MID1: variants seen among roughly 807,000 people sequenced by gnomAD.
The protein encoded by MID1 is midline 1, also known as E3 ubiquitin-protein ligase Midline-1.
A neutral mutation model predicts 40.4 loss-of-function variants in MID1; 7 were observed. The ratio of observed to expected loss-of-function variants is 0.17; its 90% CI spans 0.10 to 0.33. MID1 has a LOEUF of 0.33. Among genes scored for constraint, MID1 ranks in the 10% least tolerant of loss-of-function variants. The pLI, the probability that MID1 is intolerant of heterozygous loss-of-function variation, is 1.00. For synonymous variants in MID1, 229 were observed against 221.2 expected (o/e 1.04, Z -0.31); for missense variants, 367 against 558.5 (o/e 0.66, Z 3.46).
At chrX:10,784,178 G>A (rs2043864959) in intron 1 of MID1, among the ~76,000 whole-genome samples, 1 of 111,243 alleles carries the variant, frequency 9.0e-6, no homozygotes, top group Non-Finnish European at 1.9e-5. Context: ...TGCCATCAGT[G>A]TAATAAACCT....
chrX:10,744,717 G>T (rs541959944), intron 1 of MID1, among the ~76,000 whole-genome samples: 1 of 110,909 alleles, frequency 9.0e-6, no homozygotes, highest in African/African-American at 3.3e-5. Flanking sequence ...CTTATTTTCA[G>T]CCCGACGCCA....
intron 1 of MID1, among the ~76,000 whole-genome samples, chrX:10,631,761 T>A (rs1423468399): frequency 8.9e-6 from 1 of 111,954 alleles, no homozygotes; most frequent in Non-Finnish European, 1.9e-5. Context: ...AAAATATTTA[T>A]CATTTGAAAG....
At chrX:10,832,262 A>T (rs917453628) in intron 1 of MID1, among the ~76,000 whole-genome samples, 8 of 112,594 alleles carry the variant, frequency 7.1e-5, no homozygotes, top group African/African-American at 2.6e-4. Flanking sequence ...AAGATCCTAG[A>T]GAAAATTGGC....
chrX:10,680,715 A>G (rs1472763068), intron 1 of MID1, among the ~76,000 whole-genome samples: 2 of 110,796 alleles, frequency 1.8e-5, no homozygotes, highest in African/African-American at 6.6e-5. Flanking sequence ...TTTGGCCTGC[A>G]CTTCTACTTC....
At chrX:10,520,056 T>C (rs1231977086) in intron 3 of MID1, among the ~76,000 whole-genome samples, 1 of 112,414 alleles carries the variant, frequency 8.9e-6, no homozygotes, top group Non-Finnish European at 1.9e-5. Flanking sequence ...CAAACATCAT[T>C]GTGTTGCATA....
At chrX:10,463,161 T>C (rs1172196454) in intron 7 of MID1, among the ~76,000 whole-genome samples, 1 of 111,990 alleles carries the variant, frequency 8.9e-6, no homozygotes, top group African/African-American at 3.3e-5. Context: ...TTAACATCTA[T>C]AGTCATAACT....
chrX:10,676,129 C>T (rs763045227), intron 1 of MID1, among the ~76,000 whole-genome samples: 4 of 111,941 alleles, frequency 3.6e-5, no homozygotes, highest in East Asian at 2.8e-4. Flanking sequence ...GGGTTTTTCT[C>T]TCACTCTCCT....
At chrX:10,763,858 C>G (rs1296386646) in intron 1 of MID1, among the ~76,000 whole-genome samples, 3 of 112,148 alleles carry the variant, frequency 2.7e-5, no homozygotes, top group Non-Finnish European at 5.6e-5. Context: ...GATCGCCATT[C>G]TAACTGGTGT....
intron 3 of MID1, among the ~76,000 whole-genome samples, chrX:10,497,139 T>TA (rs974762534): frequency 1.8e-5 from 2 of 112,354 alleles, no homozygotes; most frequent in African/African-American, 6.5e-5. Flanking sequence ...ACTTGAAACT[T>TA]ACACTCAGTA....
chrX:10,640,027 G>C (rs1936170310), intron 1 of MID1, among the ~76,000 whole-genome samples: 1 of 111,903 alleles, frequency 8.9e-6, no homozygotes. Context: ...ACTAAACATG[G>C]AGAGGAACAA....
At chrX:10,799,689 T>G (rs2043992518) in intron 1 of MID1, among the ~76,000 whole-genome samples, 2 of 112,106 alleles carry the variant, frequency 1.8e-5, no homozygotes, top group South Asian at 7.5e-4. Context: ...CAATGTAGCC[T>G]TAAGGGAGGT....
At chrX:10,513,904 T>C (rs1051970557) in intron 3 of MID1, among the ~76,000 whole-genome samples, 1 of 112,181 alleles carries the variant, frequency 8.9e-6, no homozygotes, top group Non-Finnish European at 1.9e-5. Context: ...ATCACGCAAG[T>C]AAATATTTCC....
rs748047414 is a variant in MID1 at position 10,821,097 on chromosome X, T to G, written c.-187+12457A>C. Among the ~76,000 whole-genome samples, 4 of 112,183 alleles carry G rather than the reference T, an allele frequency of 3.6e-5. No individual in the cohort carries two copies. In the South Asian group the frequency reaches 1.5e-3, roughly 42 times the overall value. On this transcript the variant is annotated intron_variant, in intron 1 of 10. Transcript: ENST00000380785. ...ACTCTGTAAAGCTTGACAGTAGGAATGGATCCAGATACTATGGCCTTTTAC... is the reference window on the plus strand; with the variant it reads ...ACTCTGTAAAGCTTGACAGTAGGAAGGGATCCAGATACTATGGCCTTTTAC...
intron 1 of MID1, among the ~76,000 whole-genome samples, chrX:10,697,625 G>T (rs2043169748): frequency 1.8e-5 from 2 of 111,432 alleles, no homozygotes; most frequent in Non-Finnish European, 3.8e-5. Context: ...AGATTTTTAC[G>T]AATTGATTGA....
At chrX:10,718,995 A>G (rs972453433) in intron 1 of MID1, among the ~76,000 whole-genome samples, 1 of 111,950 alleles carries the variant, frequency 8.9e-6, no homozygotes, top group African/African-American at 3.2e-5. Context: ...AAAATTCAAC[A>G]ACCCTTCATG....
chrX:10,584,653 A>G (rs1348738859), intron 1 of MID1, among the ~76,000 whole-genome samples: 4 of 112,928 alleles, frequency 3.5e-5, no homozygotes, highest in African/African-American at 1.3e-4. Flanking sequence ...TCATTTGACA[A>G]TGACAATAAT....
chrX:10,721,855 G>A (rs1005692309), intron 1 of MID1, among the ~76,000 whole-genome samples: 1 of 110,964 alleles, frequency 9.0e-6, no homozygotes, highest in Non-Finnish European at 1.9e-5. Flanking sequence ...GATCGCTTGA[G>A]GCCAGGAGTT....
At chrX:10,596,912 A>G (rs1935422364) in intron 1 of MID1, among the ~76,000 whole-genome samples, 1 of 111,373 alleles carries the variant, frequency 9.0e-6, no homozygotes, top group Admixed American at 9.6e-5. Context: ...ATGCAACAAT[A>G]AACTTTGAGG....
At chrX:10,490,084 TG>T (rs1930856637) in intron 4 of MID1, among the ~76,000 whole-genome samples, 1 of 112,085 alleles carries the variant, frequency 8.9e-6, no homozygotes, top group Non-Finnish European at 1.9e-5. Flanking sequence ...CAAAATAACC[TG>T]CTGGAATTTT....
Sources: allele counts gnomAD v4.1 joint callset (sites outside exome capture counted in the v4.1 genomes callset), GRCh38; gene constraint gnomAD v4.1.1; transcripts MANE v1.5; gene names NCBI Gene and HGNC (gene_info 2026-07-23, HGNC 2026-07-21).